The following FAM184A variants were observed in gnomAD, a reference collection of about 807,000 sequenced individuals.
FAM184A encodes the protein family with sequence similarity 184 member A, also known as protein FAM184A.
A neutral mutation model predicts 143.8 loss-of-function variants in FAM184A; 99 were observed. The observed-to-expected ratio is 0.69, with a 90% CI of 0.58 to 0.81. The LOEUF is 0.81. Ranked by LOEUF, FAM184A falls within the 40% of genes least tolerant of loss-of-function variation. The probability of loss-of-function intolerance (pLI) is 0.00; values close to 1 mark genes in which losing one functional copy is unlikely to be tolerated. For synonymous variants in FAM184A, 427 were observed against 446.4 expected (o/e 0.96, Z 0.55); for missense variants, 1,217 against 1,310.5 (o/e 0.93, Z 1.10).
chr6:118,993,372 T>C (rs1350027931), intron 9 of FAM184A, among the ~76,000 whole-genome samples: 1 of 152,232 alleles, frequency 6.6e-6, no homozygotes, highest in Non-Finnish European at 1.5e-5. Context: ...ATTTAGCACT[T>C]GGTACATAAA....
At chr6:118,965,382 G>C (rs1026547763) in intron 15 of FAM184A, among the ~76,000 whole-genome samples, 5 of 151,926 alleles carry the variant, frequency 3.3e-5, no homozygotes, top group African/African-American at 1.2e-4. Context: ...AGATTCGATT[G>C]CATCTAATAT....
chr6:119,138,513 T>A (rs1398574462), intron 1 of FAM184A, among the ~76,000 whole-genome samples: 1 of 152,170 alleles, frequency 6.6e-6, no homozygotes, highest in Admixed American at 6.5e-5. Flanking sequence ...CTGCCCTCCA[T>A]CCTGAAAGCC....
At chr6:118,964,564 T>G in intron 16 of FAM184A, 103 bp downstream of exon 16, 4 of 523,724 alleles carry the variant, frequency 7.6e-6, no homozygotes. Context: ...GAAGAAAACA[T>G]TTTTTGGGAG....
At chr6:119,056,544 C>T (rs967731239) in intron 1 of FAM184A, among the ~76,000 whole-genome samples, 1 of 152,224 alleles carries the variant, frequency 6.6e-6, no homozygotes, top group Admixed American at 6.5e-5. Context: ...GCTACTAAAT[C>T]ATGGTTCTAA....
rs777174299 is a variant in FAM184A, at chr6:119,078,253, G to A, written c.47C>T (p.Ser16Leu). The A allele has an allele frequency of 3.2e-5, 48 of 1,522,560 alleles. 1 individual carries two copies. In the South Asian group the frequency reaches 3.8e-4, roughly 12 times the overall value. 94.3% of individuals were successfully genotyped at this position (1,522,560 alleles called of 1,614,324 possible). A position where few individuals can be genotyped will look rare whatever the true frequency, so the allele number is the denominator to read the frequency against. Residue 16 changes from serine to leucine, a missense_variant, in exon 1 of 18, where the codon TCG (serine) becomes TTG (leucine). Physicochemically the swap from Ser to Leu is moderately radical, Grantham distance 145. Transcript: ENST00000338891. The surrounding 1 kb of genome is among the most constrained non-coding windows in gnomAD (Gnocchi z 5.5). ...MSWQQHYYGG[S>L]AAKFAPSPAT... is the part of the protein sequence containing the mutation. ...CGGCGAGGGCGCGAATTTGGCCGCC[G>A]AGCCGCCGTAATAGTGCTGCTGCCA...
chr6:119,041,823 G>A (rs899470988), intron 1 of FAM184A, among the ~76,000 whole-genome samples: 4 of 152,278 alleles, frequency 2.6e-5, no homozygotes, highest in Non-Finnish European at 2.9e-5. Flanking sequence ...GCCCGGGTTC[G>A]TCCTAATCGA....
intron 1 of FAM184A, among the ~76,000 whole-genome samples, chr6:119,033,535 G>A (rs1478631284): frequency 1.3e-5 from 2 of 151,896 alleles, no homozygotes; most frequent in African/African-American, 4.8e-5. Context: ...CGTAGTGGCA[G>A]GTGCCTGTAT....
At chr6:118,994,197 ACT>A in intron 9 of FAM184A, among the ~76,000 whole-genome samples, 1 of 152,260 alleles carries the variant, frequency 6.6e-6, no homozygotes, top group East Asian at 1.9e-4. Flanking sequence ...GGCAAAGATC[ACT>A]CTGAGCCAGT....
intron 1 of FAM184A, among the ~76,000 whole-genome samples, chr6:119,050,730 G>C (rs1037799163): frequency 6.6e-6 from 1 of 152,000 alleles, no homozygotes; most frequent in South Asian, 2.1e-4. Context: ...GCGTGAACCC[G>C]GGAAGCGGAG....
chr6:119,043,191 T>C (rs1288527), intron 1 of FAM184A, among the ~76,000 whole-genome samples: 5,282 of 152,208 alleles, frequency 0.035, 352 homozygotes, highest in African/African-American at 0.12. Context: ...TTCATGAACC[T>C]ATCAGAAAGC....
At chr6:119,074,813 A>G (rs1787817202) in intron 1 of FAM184A, among the ~76,000 whole-genome samples, 1 of 152,214 alleles carries the variant, frequency 6.6e-6, no homozygotes, top group South Asian at 2.1e-4. Context: ...TCTAATATTA[A>G]TTCTTAAAAC....
chr6:119,069,359 A>G (rs1344279689), intron 1 of FAM184A, among the ~76,000 whole-genome samples: 1 of 152,172 alleles, frequency 6.6e-6, no homozygotes, highest in Non-Finnish European at 1.5e-5. Flanking sequence ...AGGTAGGCAA[A>G]GAATACTATT....
chr6:119,056,410 TAGAC>T (rs1184704680), intron 1 of FAM184A, among the ~76,000 whole-genome samples: 1 of 152,088 alleles, frequency 6.6e-6, no homozygotes, highest in African/African-American at 2.4e-5. Context: ...AAAGATGAAA[TAGAC>T]AGAAATTTCC....
intron 1 of FAM184A, among the ~76,000 whole-genome samples, chr6:119,094,592 A>AC (rs1788456904): frequency 6.6e-6 from 1 of 152,152 alleles, no homozygotes; most frequent in African/African-American, 2.4e-5. Flanking sequence ...GTTCCAGAAT[A>AC]CCATCCCGAG....
At chr6:119,048,313 C>A (rs1462338744) in intron 1 of FAM184A, among the ~76,000 whole-genome samples, 1 of 152,172 alleles carries the variant, frequency 6.6e-6, no homozygotes, top group East Asian at 1.9e-4. Flanking sequence ...CCCTTGAAAA[C>A]CAGCACAAGA....
At chr6:119,146,087 G>A (rs1329882886) in intron 1 of FAM184A, among the ~76,000 whole-genome samples, 3 of 152,088 alleles carry the variant, frequency 2.0e-5, no homozygotes, top group Non-Finnish European at 4.4e-5. Flanking sequence ...GATTTGTTTA[G>A]TTATGTATTT....
At chr6:119,008,237 A>G (rs1308918465) in intron 6 of FAM184A, among the ~76,000 whole-genome samples, 1 of 152,166 alleles carries the variant, frequency 6.6e-6, no homozygotes, top group Non-Finnish European at 1.5e-5. Context: ...ATGTGGTCTT[A>G]GTAAGCGCTC....
intron 5 of FAM184A, among the ~76,000 whole-genome samples, chr6:119,015,243 G>A (rs973588307): frequency 6.6e-6 from 1 of 152,140 alleles, no homozygotes; most frequent in African/African-American, 2.4e-5. Context: ...GAGCCCTTCG[G>A]CCTGCCGCTG....
At chr6:119,025,940 T>G (rs907115926) in intron 1 of FAM184A, among the ~76,000 whole-genome samples, 6 of 152,202 alleles carry the variant, frequency 3.9e-5, no homozygotes, top group African/African-American at 1.4e-4. Context: ...GAGGTAACTG[T>G]GGCAGACTGG....
Sources: gnomAD v4.1 joint callset for allele counts (sites outside exome capture counted in the v4.1 genomes callset) on GRCh38, gnomAD v4.1.1 for gene constraint, Gnocchi (gnomAD v3.1) non-coding constraint, MANE v1.5 for transcripts, NCBI Gene and HGNC (gene_info 2026-07-23, HGNC 2026-07-21) for gene names.